RAI1: variants seen among roughly 807,000 people sequenced by gnomAD.
RAI1 encodes the protein retinoic acid-induced protein 1.
Under a neutral mutation model 123.8 loss-of-function variants are expected in RAI1, and 9 were observed. That is an observed-to-expected ratio of 0.07 (90% CI 0.04 to 0.13). The LOEUF (loss-of-function observed/expected upper bound fraction) is 0.13, where lower values mean the gene tolerates loss of function less well. Ranked by LOEUF, RAI1 falls within the 10% of genes least tolerant of loss-of-function variation. The pLI, the probability that RAI1 is intolerant of heterozygous loss-of-function variation, is 1.00. For missense variants in RAI1, 2,256 were observed against 2,545.8 expected (o/e 0.89, Z 2.45); for synonymous variants, 1,231 against 1,127.3 (o/e 1.09, Z -1.84).
chr17:17,713,918 T>C (rs531975522), intron 1 of RAI1, among the ~76,000 whole-genome samples: 1 of 152,270 alleles, frequency 6.6e-6, no homozygotes, highest in South Asian at 2.1e-4. Context: ...AGGAGCTTGC[T>C]CTGGTCCGCG....
At position 17,809,350 on chromosome 17, in the gene RAI1, C is replaced by T. The variant is rs1015577402; in HGVS notation, c.5660-40C>T. The stretch of plus-strand genomic sequence containing the variant: ...ACAAAACCCCACAGCTGTGGGGCCC[C>T]CACCCTGTCCTAACCACCGAAACTT... On this transcript the variant is annotated intron_variant, in intron 4 of 5. Coordinates refer to ENST00000353383, the MANE Select transcript of RAI1 (RefSeq NM_030665.4). This position sits in a 1 kb window ranked among gnomAD's most constrained non-coding sequence, Gnocchi z 4.9. 3 of 1,569,902 alleles carry T rather than the reference C, an allele frequency of 1.9e-6. No individual in the cohort carries two copies. Among genetic ancestry groups the T allele is most frequent in the Admixed American group, 1.7e-5 (1 of 59,936 alleles).
chr17:17,705,056 T>G (rs1353781512), intron 1 of RAI1, among the ~76,000 whole-genome samples: 2 of 152,190 alleles, frequency 1.3e-5, no homozygotes, highest in Non-Finnish European at 2.9e-5. Context: ...TGGATGGTAG[T>G]GTGAAGGATA....
At chr17:17,805,985 G>A (rs2032586901) in intron 4 of RAI1, among the ~76,000 whole-genome samples, 1 of 152,238 alleles carries the variant, frequency 6.6e-6, no homozygotes, top group South Asian at 2.1e-4. Context: ...ACAGTCCCAG[G>A]ACTTAATGCC....
intron 2 of RAI1, among the ~76,000 whole-genome samples, chr17:17,733,319 C>G (rs1485514849): frequency 2.0e-5 from 3 of 152,224 alleles, no homozygotes; most frequent in Non-Finnish European, 4.4e-5. Context: ...AGAAAGGGTG[C>G]ACCAGATGCG....
intron 4 of RAI1, among the ~76,000 whole-genome samples, chr17:17,804,285 G>A (rs565158837): frequency 5.3e-5 from 8 of 152,180 alleles, no homozygotes; most frequent in Non-Finnish European, 1.0e-4. Flanking sequence ...GGGGTGATGA[G>A]GTTCAAAACA....
rs181937286 is a variant in RAI1 at position 17,741,646 on chromosome 17, C to T, written c.-17+17487C>T. ...CCGGGAGCTCAATCCTTTATTGTTC[C>T]TGCCTTTCCCCTCCTGACACCCTCA... On this transcript the variant is annotated intron_variant, in intron 2 of 5. Coordinates refer to ENST00000353383, the MANE Select transcript of RAI1 (RefSeq NM_030665.4). 3.4e-3 allele frequency among the ~76,000 whole-genome samples: 514 copies of T among 152,348 alleles called. 4 individuals carry two copies. Among genetic ancestry groups the T allele is most frequent in the Non-Finnish European group, 4.2e-3 (289 of 68,038 alleles).
intron 3 of RAI1, among the ~76,000 whole-genome samples, chr17:17,802,756 A>G (rs2032501636): frequency 1.3e-5 from 2 of 151,722 alleles, no homozygotes; most frequent in South Asian, 4.2e-4. Context: ...AGCCTGGGCA[A>G]CAGAGCAAGA....
chr17:17,700,424 C>A (rs1333214188), intron 1 of RAI1, among the ~76,000 whole-genome samples: 3 of 151,778 alleles, frequency 2.0e-5, no homozygotes, highest in African/African-American at 7.2e-5. Flanking sequence ...CGCCGCCCCT[C>A]GGCGTTCGCG....
At chr17:17,724,895 C>G (rs1916027874) in intron 2 of RAI1, among the ~76,000 whole-genome samples, 1 of 152,132 alleles carries the variant, frequency 6.6e-6, no homozygotes. Flanking sequence ...GACCCCTCCC[C>G]ACTCCCCGCA....
At chr17:17,747,788 G>A (rs1470916439) in intron 2 of RAI1, among the ~76,000 whole-genome samples, 1 of 152,142 alleles carries the variant, frequency 6.6e-6, no homozygotes, top group Non-Finnish European at 1.5e-5. Flanking sequence ...AGTCTGGCTG[G>A]GCACAGTGGT....
chr17:17,764,113 T>C (rs2030818756), intron 2 of RAI1, among the ~76,000 whole-genome samples: 1 of 152,186 alleles, frequency 6.6e-6, no homozygotes, highest in Admixed American at 6.5e-5. Context: ...GGACAGGAAA[T>C]ATTTGGTGGT....
In RAI1 at chr17:17,799,103, T is replaced by C. The variant is rs2032372921; in HGVS notation, c.5565+590T>C. Among the ~76,000 whole-genome samples the C allele has an allele frequency of 6.6e-6, 1 of 152,144 alleles. No homozygotes were observed. Among genetic ancestry groups the C allele is most frequent in the Admixed American group, 6.5e-5 (1 of 15,280 alleles). ...GGGGCAGATCCAGACCCTCTCACCA[T>C]TGGCTCTGAGACCAGCTTTGGAAGC... On this transcript the variant is annotated intron_variant, in intron 3 of 5. Coordinates refer to ENST00000353383, the MANE Select transcript of RAI1 (RefSeq NM_030665.4). The surrounding 1 kb of genome is among the most constrained non-coding windows in gnomAD (Gnocchi z 4.5).
chr17:17,706,803 A>G (rs906444728), intron 1 of RAI1, among the ~76,000 whole-genome samples: 1 of 152,148 alleles, frequency 6.6e-6, no homozygotes, highest in African/African-American at 2.4e-5. Context: ...GGCTCAGGGG[A>G]AAAAAAGAAT....
intron 2 of RAI1, among the ~76,000 whole-genome samples, chr17:17,724,463 C>A (rs1220402474): frequency 8.4e-6 from 1 of 119,558 alleles, no homozygotes; most frequent in Admixed American, 9.9e-5. Context: ...GCTGGGGATT[C>A]CCCCCTCCCC....
At chr17:17,784,279 CAGCGAGGGGGTGTCAAAGGCAGGGA>C (rs1438242720) in intron 2 of RAI1, among the ~76,000 whole-genome samples, 2 of 152,298 alleles carry the variant, frequency 1.3e-5, no homozygotes, top group East Asian at 1.9e-4. Flanking sequence ...AGAATGGCTG[CAGCGAGGGGGTGTCAAAGGCAGGGA>C]AGCGAGGGGC....
intron 2 of RAI1, among the ~76,000 whole-genome samples, chr17:17,764,542 G>A (rs1042131820): frequency 1.4e-5 from 2 of 145,662 alleles, no homozygotes; most frequent in African/African-American, 2.6e-5. Context: ...GTGCGATCTC[G>A]CCTCACTACA....
intron 2 of RAI1, among the ~76,000 whole-genome samples, chr17:17,742,925 G>T (rs953037737): frequency 2.0e-5 from 3 of 152,192 alleles, no homozygotes; most frequent in Admixed American, 2.0e-4. Context: ...AGGTATTTAT[G>T]TAAGTCTCTG....
chr17:17,721,915 G>A (rs993505951), intron 1 of RAI1, among the ~76,000 whole-genome samples: 2 of 152,136 alleles, frequency 1.3e-5, no homozygotes, highest in East Asian at 3.9e-4. Context: ...GGTGCCCGAG[G>A]CCCACCTGGC....
intron 2 of RAI1, among the ~76,000 whole-genome samples, chr17:17,766,838 G>T (rs1183624733): frequency 6.6e-6 from 1 of 152,230 alleles, no homozygotes; most frequent in Non-Finnish European, 1.5e-5. Flanking sequence ...GCCTGGGAGA[G>T]CACTGCGGGT....
Sources: allele counts gnomAD v4.1 joint callset (sites outside exome capture counted in the v4.1 genomes callset), GRCh38; gene constraint gnomAD v4.1.1; non-coding constraint Gnocchi (gnomAD v3.1); transcripts MANE v1.5; gene names NCBI Gene and HGNC (gene_info 2026-07-23, HGNC 2026-07-21).